PTPRD: variants seen among roughly 807,000 people sequenced by gnomAD.
The protein encoded by PTPRD is receptor-type tyrosine-protein phosphatase delta.
PTPRD carries 34 observed loss-of-function variants against 214.5 expected under a neutral mutation model. The ratio of observed to expected loss-of-function variants is 0.16; its 90% CI spans 0.12 to 0.21. The LOEUF (loss-of-function observed/expected upper bound fraction) is 0.21, where lower values mean the gene tolerates loss of function less well. Among genes scored for constraint, PTPRD ranks in the 10% least tolerant of loss-of-function variants. The pLI is 1.00. For synonymous variants in PTPRD, 1,128 were observed against 845.7 expected, an observed-to-expected ratio of 1.33 and a Z score of -5.79; for missense variants, 2,545 against 2,398.7, an observed-to-expected ratio of 1.06 and a Z score of -1.27.
At chr9:8,582,832 A>G (rs1188505734) in intron 14 of PTPRD, among the ~76,000 whole-genome samples, 1 of 152,192 alleles carries the variant, frequency 6.6e-6, no homozygotes, top group East Asian at 1.9e-4. Context: ...ATATGTGGCA[A>G]AGTTGGTGGG....
chr9:9,389,369 G>A lies in PTPRD; in HGVS notation c.-203+8080C>T, dbSNP rs558419788. On this transcript the variant is annotated intron_variant, in intron 9 of 45. Transcript: ENST00000381196. Reference sequence around the variant, plus strand: ...CTACTAAAAATACAAAATTAGCCGGGCGTGGTGGCACATGCCTGTAATCCC... The same window carrying A: ...CTACTAAAAATACAAAATTAGCCGGACGTGGTGGCACATGCCTGTAATCCC... Among the ~76,000 whole-genome samples the A allele has an allele frequency of 9.2e-5, 14 of 152,066 alleles. No individual in the cohort carries two copies. The East Asian group carries it at 2.7e-3, about 30-fold the overall frequency.
At chr9:8,922,517 G>C (rs2098834711) in intron 11 of PTPRD, among the ~76,000 whole-genome samples, 1 of 152,234 alleles carries the variant, frequency 6.6e-6, no homozygotes, top group Non-Finnish European at 1.5e-5. Context: ...CCATGTCTTA[G>C]ATGGCTCTTG....
chr9:9,461,640 C>G (rs779396034), intron 8 of PTPRD, among the ~76,000 whole-genome samples: 1 of 152,076 alleles, frequency 6.6e-6, no homozygotes, highest in African/African-American at 2.4e-5. Flanking sequence ...CTCATACCCT[C>G]AAAAGGTCTA....
At chr9:10,600,582 G>A (rs960435549) in intron 2 of PTPRD, among the ~76,000 whole-genome samples, 4 of 151,748 alleles carry the variant, frequency 2.6e-5, no homozygotes, top group African/African-American at 9.7e-5. Flanking sequence ...TGAGCCAAAG[G>A]TAGCTAACCA....
chr9:9,744,942 C>T (rs1022355994), intron 6 of PTPRD, among the ~76,000 whole-genome samples: 16 of 152,140 alleles, frequency 1.1e-4, no homozygotes, highest in African/African-American at 3.9e-4. Flanking sequence ...ATTATCTACA[C>T]ATCAGAAATC....
chr9:8,485,085 T>G lies in PTPRD; in HGVS notation c.3153+142A>C, dbSNP rs2096970572. ...CACACTTACAAAGCACCAAACTGTCTCCCATGTGAAAGTCACAAATGAAAA... is the reference window on the plus strand; with the variant it reads ...CACACTTACAAAGCACCAAACTGTCGCCCATGTGAAAGTCACAAATGAAAA... On this transcript the variant is annotated intron_variant, in intron 29 of 45. Transcript: ENST00000381196. 18 of 652,968 alleles carry G rather than the reference T, an allele frequency of 2.8e-5. No individual in the cohort carries two copies. In the South Asian group the frequency reaches 3.5e-4, roughly 13 times the overall value. 40.4% of individuals were successfully genotyped at this position (652,968 alleles called of 1,614,324 possible).
chr9:9,143,182 T>A (rs1055948294), intron 10 of PTPRD, among the ~76,000 whole-genome samples: 2 of 152,216 alleles, frequency 1.3e-5, no homozygotes, highest in African/African-American at 2.4e-5. Flanking sequence ...TATTTGTTCA[T>A]CTCTGAGACC....
intron 7 of PTPRD, among the ~76,000 whole-genome samples, chr9:9,707,667 T>C (rs1266004522): frequency 6.6e-6 from 1 of 152,180 alleles, no homozygotes; most frequent in Non-Finnish European, 1.5e-5. Context: ...ATTAAGCTTT[T>C]TCCTTTAAAA....
At chr9:9,058,949 A>T (rs12551218) in intron 10 of PTPRD, among the ~76,000 whole-genome samples, 12,672 of 152,122 alleles carry the variant, frequency 0.083, 1,061 homozygotes, top group African/African-American at 0.21. Context: ...AGTGCCCAAA[A>T]CATCTCAGCT....
In PTPRD at chr9:9,970,586, G is replaced by C. The variant is rs181850409; in HGVS notation, c.-471-31976C>G. ...AAATTGTCCTCCTCCCCCCACACAG[G>C]GCAGACAAGCTAAAAATCTTAGCAA... On this transcript the variant is annotated intron_variant, in intron 4 of 45. Coordinates refer to ENST00000381196, the MANE Select transcript of PTPRD (RefSeq NM_002839.4). Among the ~76,000 whole-genome samples, 71 of 152,178 alleles carry C rather than the reference G, an allele frequency of 4.7e-4. No homozygotes were observed. The Middle Eastern group carries it at 0.02, about 44-fold the overall frequency.
intron 4 of PTPRD, among the ~76,000 whole-genome samples, chr9:9,952,331 TA>T (rs1217030861): frequency 6.6e-6 from 1 of 152,148 alleles, no homozygotes. Context: ...AAGGTGTATA[TA>T]AAAGATGTAA....
At chr9:10,343,978 GTTTT>G (rs139613939) in intron 2 of PTPRD, among the ~76,000 whole-genome samples, 4 of 31,664 alleles carry the variant, frequency 1.3e-4, no homozygotes, top group African/African-American at 5.3e-4. Context: ...TCTGATGGTA[GTTTT>G]TTTTTTTTTT....
intron 35 of PTPRD, among the ~76,000 whole-genome samples, chr9:8,406,121 T>C (rs1318017834): frequency 6.6e-6 from 1 of 152,168 alleles, no homozygotes; most frequent in Non-Finnish European, 1.5e-5. Flanking sequence ...TTAATAATTA[T>C]CCATACCTTA....
At chr9:8,765,258 T>C (rs2094642682) in intron 11 of PTPRD, among the ~76,000 whole-genome samples, 1 of 152,232 alleles carries the variant, frequency 6.6e-6, no homozygotes, top group Non-Finnish European at 1.5e-5. Context: ...CTAGACTTAG[T>C]GACTGCTTCC....
chr9:9,403,862 G>C (rs1485923045), intron 8 of PTPRD, among the ~76,000 whole-genome samples: 1 of 151,904 alleles, frequency 6.6e-6, no homozygotes, highest in Non-Finnish European at 1.5e-5. Flanking sequence ...AACAAATAAA[G>C]GAATAAGATA....
intron 5 of PTPRD, among the ~76,000 whole-genome samples, chr9:9,892,591 C>T (rs2073732893): frequency 2.0e-5 from 3 of 151,992 alleles, no homozygotes; most frequent in Non-Finnish European, 4.4e-5. Flanking sequence ...GATGAAAAAG[C>T]ATTGGAACAT....
chr9:9,827,894 C>T (rs1284748854), intron 5 of PTPRD, among the ~76,000 whole-genome samples: 1 of 152,090 alleles, frequency 6.6e-6, no homozygotes, highest in Non-Finnish European at 1.5e-5. Context: ...CCAAAAGACA[C>T]ATGAAAAAAT....
chr9:9,973,393 C>A (rs577402180), intron 4 of PTPRD, among the ~76,000 whole-genome samples: 1 of 151,766 alleles, frequency 6.6e-6, no homozygotes, highest in African/African-American at 2.4e-5. Flanking sequence ...GGTTACTTAA[C>A]CCAGGAGACA....
chr9:10,035,368 T>A (rs1163374940), intron 3 of PTPRD, among the ~76,000 whole-genome samples: 1 of 152,150 alleles, frequency 6.6e-6, no homozygotes, highest in Non-Finnish European at 1.5e-5. Flanking sequence ...TTGCAAAAAT[T>A]TTCTCCCATT....
Sources: gnomAD v4.1 joint callset for allele counts (sites outside exome capture counted in the v4.1 genomes callset) on GRCh38, gnomAD v4.1.1 for gene constraint, MANE v1.5 for transcripts, NCBI Gene and HGNC (gene_info 2026-07-23, HGNC 2026-07-21) for gene names.